KLHL22: variants seen among roughly 807,000 people sequenced by gnomAD.
The protein encoded by KLHL22 is kelch-like protein 22.
A neutral mutation model predicts 60.7 loss-of-function variants in KLHL22; 18 were observed. The ratio of observed to expected loss-of-function variants is 0.30; its 90% CI spans 0.20 to 0.44. KLHL22 has a LOEUF of 0.44. Among genes scored for constraint, KLHL22 ranks in the 20% least tolerant of loss-of-function variants. The probability of loss-of-function intolerance (pLI) is 1.00; values close to 1 mark genes in which losing one functional copy is unlikely to be tolerated. For missense variants in KLHL22, 596 were observed against 852.3 expected (o/e 0.70, Z 3.74); for synonymous variants, 355 against 354.5 (o/e 1.00, Z -0.01).
At chr22:20,484,456 A>T (rs12159968) in intron 2 of KLHL22, among the ~76,000 whole-genome samples, 2,100 of 152,078 alleles carry the variant, frequency 0.014, 55 homozygotes, top group African/African-American at 0.047. Context: ...CACTACGCCC[A>T]GCTAATTTTT....
intron 3 of KLHL22, 28 bp downstream of exon 3, chr22:20,471,322 C>T: frequency 6.2e-7 from 1 of 1,605,668 alleles, no homozygotes; most frequent in Non-Finnish European, 8.5e-7. Flanking sequence ...GGGTGTGGGT[C>T]TGCCTTGCTA....
Position 20,446,659 on chromosome 22 carries a change from G to A in KLHL22, c.1323C>T (p.Gly441=), listed in dbSNP as rs780323637. Residue 441 remains glycine, a synonymous_variant, in exon 6 of 7, where the codon GGC becomes GGT. Transcript: ENST00000328879. The part of the protein sequence containing the change: ...PLKREVYAHA[G]ATLEGKMYIT... The stretch of plus-strand genomic sequence containing the variant: ...TATACATCTTCCCCTCCAGCGTCGC[G>A]CCTGCGTGGGCATACACCTGTGTGG... 16 of 1,610,240 alleles carry A rather than the reference G, an allele frequency of 9.9e-6. No homozygotes were observed. Among genetic ancestry groups the A allele is most frequent in the African/African-American group, 8.0e-5 (6 of 74,934 alleles).
chr22:20,472,159 A>C (rs1044264941), intron 2 of KLHL22, among the ~76,000 whole-genome samples: 2 of 152,196 alleles, frequency 1.3e-5, no homozygotes, highest in African/African-American at 4.8e-5. Context: ...CGGCACAAGA[A>C]TTGATTGAAC....
intron 6 of KLHL22, among the ~76,000 whole-genome samples, chr22:20,443,281 TC>T (rs1261840977): frequency 6.6e-6 from 1 of 152,078 alleles, no homozygotes; most frequent in Non-Finnish European, 1.5e-5. Context: ...GATGTCTAGT[TC>T]CTAATCTCCA....
chr22:20,451,447 G>A, intron 5 of KLHL22: 2 of 1,604,934 alleles, frequency 1.2e-6, no homozygotes, highest in South Asian at 1.1e-5. Context: ...AAATTCAGTT[G>A]AGAAATATGA....
intron 6 of KLHL22, among the ~76,000 whole-genome samples, chr22:20,442,706 AGCCCTTCCTCTAG>A (rs1415831738): frequency 6.6e-6 from 1 of 152,200 alleles, no homozygotes; most frequent in Non-Finnish European, 1.5e-5. Flanking sequence ...GCTCCAGCCC[AGCCCTTCCTCTAG>A]GCCACCCGGC....
intron 1 of KLHL22, among the ~76,000 whole-genome samples, 159 bp from the exon 2 acceptor site, chr22:20,489,403 A>C (rs572692716): frequency 2.6e-5 from 4 of 151,400 alleles, no homozygotes; most frequent in African/African-American, 9.7e-5. Context: ...CTCCCCTCCC[A>C]CCTCTAGTCC....
chr22:20,450,381 T>C, intron 5 of KLHL22: 2 of 1,445,644 alleles, frequency 1.4e-6, no homozygotes, highest in Non-Finnish European at 1.9e-6. Context: ...GAAATTTTAT[T>C]GGACTTTGTG....
At chr22:20,483,797 G>A (rs1224381280) in intron 2 of KLHL22, 19 of 745,180 alleles carry the variant, frequency 2.5e-5, no homozygotes, top group Middle Eastern at 5.9e-4. Flanking sequence ...TCCGGTTCTC[G>A]GTCTCCAGGC....
intron 5 of KLHL22, among the ~76,000 whole-genome samples, chr22:20,455,158 C>T (rs2053043464): frequency 1.3e-5 from 2 of 152,196 alleles, no homozygotes; most frequent in Admixed American, 1.3e-4. Context: ...GCTGGGATTA[C>T]AGACGTGAGC....
intron 5 of KLHL22, among the ~76,000 whole-genome samples, chr22:20,449,413 GT>G (rs2052937804): frequency 1.4e-5 from 2 of 144,218 alleles, no homozygotes; most frequent in East Asian, 4.3e-4. Flanking sequence ...AAGGTTTTTT[GT>G]TTTTGAGATG....
Position 20,464,947 on chromosome 22 carries a change from G to A in KLHL22, c.1023C>T (p.Asn341=), listed in dbSNP as rs1164650953. 3.7e-6 allele frequency: 6 copies of A among 1,604,614 alleles called. No individual in the cohort carries two copies. In the African/African-American group the frequency reaches 8.0e-5, roughly 21 times the overall value. The change falls in exon 4 of 7, where the codon AAC becomes AAT. Residue 341 remains asparagine (N), a synonymous_variant. Coordinates refer to ENST00000328879, the MANE Select transcript of KLHL22 (RefSeq NM_032775.4). ...AGTTGTTGAGCACCGCGATGCCCTG[G>A]TTGGACATGCGGGGGGCCAGGGAGG... The part of the protein sequence containing the change: ...FTASLAPRMS[N]QGIAVLNNFV...
At chr22:20,451,716 G>GC (rs998772216) in intron 5 of KLHL22, 132 of 1,577,290 alleles carry the variant, frequency 8.4e-5, no homozygotes, top group Middle Eastern at 1.9e-4. Context: ...GTAAGTCCCT[G>GC]CTAAGTAGCA....
chr22:20,476,622 C>G (rs1313359886), intron 2 of KLHL22, among the ~76,000 whole-genome samples: 1 of 151,134 alleles, frequency 6.6e-6, no homozygotes, highest in South Asian at 2.1e-4. Context: ...ACCATGTTAG[C>G]CAGGATGGTC....
In KLHL22 at chr22:20,461,170, T is replaced by G. The variant is rs148484262; in HGVS notation, c.1113-3170A>C. 7.2e-5 allele frequency among the ~76,000 whole-genome samples: 11 copies of G among 152,326 alleles called. No homozygotes were observed. The East Asian group carries it at 1.9e-3, about 27-fold the overall frequency. ...TAGCAGCTGAAACTGACTAGGAGAG[T>G]CACTTTAACTCAGATTTGTATCATC... On this transcript the variant is annotated intron_variant, in intron 4 of 6. Coordinates refer to ENST00000328879, the MANE Select transcript of KLHL22 (RefSeq NM_032775.4).
intron 3 of KLHL22, among the ~76,000 whole-genome samples, chr22:20,470,524 T>C (rs1039046863): frequency 6.6e-6 from 1 of 152,104 alleles, no homozygotes; most frequent in African/African-American, 2.4e-5. Context: ...GGCACATGCC[T>C]ATAGGTCCTA....
At chr22:20,488,889 G>A in intron 2 of KLHL22, 96 bp downstream of exon 2, 4 of 1,186,238 alleles carry the variant, frequency 3.4e-6, no homozygotes, top group Admixed American at 2.0e-5. Context: ...GCTCTGAGGT[G>A]AGCAGGAGAC....
Position 20,495,066 on chromosome 22 carries a change from AG to A in KLHL22, c.-34+693del, listed in dbSNP as rs1439328889. Among the ~76,000 whole-genome samples the A allele has an allele frequency of 6.6e-6, 1 of 152,176 alleles. No homozygotes were observed. Among genetic ancestry groups the A allele is most frequent in the African/African-American group, 2.4e-5 (1 of 41,442 alleles). On this transcript the variant is annotated intron_variant, in intron 1 of 6. Coordinates refer to ENST00000328879, the MANE Select transcript of KLHL22 (RefSeq NM_032775.4). The surrounding 1 kb of genome is among the most constrained non-coding windows in gnomAD (Gnocchi z 4.6). The stretch of plus-strand genomic sequence containing the variant: ...AGGGTGCGCTCTGGAAGAATCTCCC[AG>A]GGAGCCGTCTTGGAGGCACTCGGCC...
chr22:20,459,015 G>A (rs2053112655), intron 4 of KLHL22, among the ~76,000 whole-genome samples: 1 of 152,092 alleles, frequency 6.6e-6, no homozygotes, highest in Non-Finnish European at 1.5e-5. Flanking sequence ...GAGGGCTCCT[G>A]GGCTGAGCAC....
Sources: gnomAD v4.1 joint callset for allele counts (sites outside exome capture counted in the v4.1 genomes callset) on GRCh38, gnomAD v4.1.1 for gene constraint, Gnocchi (gnomAD v3.1) non-coding constraint, MANE v1.5 for transcripts, NCBI Gene and HGNC (gene_info 2026-07-23, HGNC 2026-07-21) for gene names.